Variants in CD1B observed in about 807,000 individuals in gnomAD.
CD1B encodes T-cell surface glycoprotein CD1b.
CD1B carries 43 observed loss-of-function variants against 39.8 expected under a neutral mutation model. The ratio of observed to expected loss-of-function variants is 1.08; its 90% CI spans 0.85 to 1.39. The LOEUF (loss-of-function observed/expected upper bound fraction) is 1.39. Ranked by LOEUF, CD1B falls within the 40% of genes most tolerant of loss-of-function variation. The pLI is 0.00. For synonymous variants in CD1B, 192 were observed against 152.5 expected, an observed-to-expected ratio of 1.26 and a Z score of -1.91; for missense variants, 495 against 403.8, an observed-to-expected ratio of 1.23 and a Z score of -1.94.
downstream of CD1B, among the ~76,000 whole-genome samples, chr1:158,324,008 G>A (rs914391400): frequency 2.0e-5 from 3 of 152,324 alleles, no homozygotes; most frequent in Admixed American, 6.5e-5. Context: ...AGGTATCCTT[G>A]TGTGAGCAGT....
At chr1:158,291,319 G>A in the CD1B span, 2 of 1,614,012 alleles carry the variant, frequency 1.2e-6, no homozygotes, top group African/African-American at 2.7e-5. Context: ...AGAGTTGTCA[G>A]ACCTAGAGTT....
the CD1B span, among the ~76,000 whole-genome samples, chr1:158,308,618 G>T: frequency 5.7e-3 from 872 of 152,232 alleles, 12 homozygotes; most frequent in African/African-American, 0.02. Context: ...GCATGGTACT[G>T]GTACCAAAAC....
At chr1:158,303,305 C>G in the CD1B span, among the ~76,000 whole-genome samples, 1 of 152,168 alleles carries the variant, frequency 6.6e-6, no homozygotes, top group Non-Finnish European at 1.5e-5. Flanking sequence ...GCATCTATGA[C>G]AAACCCACAG....
chr1:158,303,175 A>G, the CD1B span, among the ~76,000 whole-genome samples: 1 of 152,218 alleles, frequency 6.6e-6, no homozygotes, highest in Admixed American at 6.5e-5. Context: ...ACTAAAAACA[A>G]AAAACACATG....
At chr1:158,318,084 T>C in the CD1B span, among the ~76,000 whole-genome samples, 4 of 152,202 alleles carry the variant, frequency 2.6e-5, no homozygotes, top group East Asian at 3.8e-4. Flanking sequence ...TACTGCCAAC[T>C]ATGTGATCAA....
At chr1:158,319,903 C>T in the CD1B span, among the ~76,000 whole-genome samples, 1 of 151,664 alleles carries the variant, frequency 6.6e-6, no homozygotes, top group Non-Finnish European at 1.5e-5. Flanking sequence ...AGCTGCAGGT[C>T]TGTTGGAGTA....
the CD1B span, among the ~76,000 whole-genome samples, chr1:158,295,581 T>C: frequency 6.6e-6 from 1 of 152,118 alleles, no homozygotes; most frequent in Non-Finnish European, 1.5e-5. Flanking sequence ...TACCCGAGGA[T>C]TGGCATGCTC....
At chr1:158,298,615 A>T in the CD1B span, among the ~76,000 whole-genome samples, 3 of 152,112 alleles carry the variant, frequency 2.0e-5, no homozygotes, top group Admixed American at 6.5e-5. Flanking sequence ...CAGTATGGCC[A>T]TTTTCACGAT....
At chr1:158,327,012 G>C (rs1652377292), downstream of CD1B, among the ~76,000 whole-genome samples, 1 of 152,084 alleles carries the variant, frequency 6.6e-6, no homozygotes, top group Non-Finnish European at 1.5e-5. Flanking sequence ...GGTCAGCCTG[G>C]TCTCAAACTC....
the CD1B span, among the ~76,000 whole-genome samples, chr1:158,302,089 C>A: frequency 6.6e-6 from 1 of 152,050 alleles, no homozygotes; most frequent in East Asian, 1.9e-4. Flanking sequence ...TCATACCAAC[C>A]ACACTCTTGC....
the CD1B span, among the ~76,000 whole-genome samples, chr1:158,317,868 G>T: frequency 7.9e-5 from 12 of 152,236 alleles, no homozygotes; most frequent in South Asian, 2.3e-3. Flanking sequence ...TTGTGTGTTT[G>T]TTCTTGTTCA....
At chr1:158,316,439 C>A in the CD1B span, among the ~76,000 whole-genome samples, 3 of 151,738 alleles carry the variant, frequency 2.0e-5, no homozygotes, top group Non-Finnish European at 4.4e-5. Flanking sequence ...GGATTTCACT[C>A]ATGATTTGGC....
the CD1B span, chr1:158,291,357 A>C: frequency 1.2e-6 from 2 of 1,614,148 alleles, no homozygotes; most frequent in South Asian, 2.2e-5. Flanking sequence ...TCTTTGGATT[A>C]ACTCGGGAGA....
the CD1B span, among the ~76,000 whole-genome samples, chr1:158,312,920 A>G: frequency 6.6e-6 from 1 of 152,150 alleles, no homozygotes. Flanking sequence ...ATCTTTGCTT[A>G]GTTCCAGATT....
At chr1:158,299,718 G>A in the CD1B span, among the ~76,000 whole-genome samples, 20 of 152,004 alleles carry the variant, frequency 1.3e-4, no homozygotes, top group Non-Finnish European at 2.8e-4. Context: ...CTCTTGGGAG[G>A]GTGTGTGTGT....
At chr1:158,290,999 T>G in the CD1B span, 2 of 925,796 alleles carry the variant, frequency 2.2e-6, no homozygotes, top group South Asian at 1.8e-5. Context: ...GGGCTCTGTG[T>G]AAGGAAAATG....
At chr1:158,314,428 G>A in the CD1B span, among the ~76,000 whole-genome samples, 2 of 151,988 alleles carry the variant, frequency 1.3e-5, no homozygotes, top group South Asian at 4.1e-4. Context: ...TTATTCTTTT[G>A]TGTTGTTTTT....
the CD1B span, among the ~76,000 whole-genome samples, chr1:158,303,227 A>C: frequency 6.6e-6 from 1 of 152,214 alleles, no homozygotes; most frequent in Non-Finnish European, 1.5e-5. Flanking sequence ...ATAAAATTCC[A>C]CATCTCTTCA....
At chr1:158,306,207 T>G in the CD1B span, among the ~76,000 whole-genome samples, 2 of 152,090 alleles carry the variant, frequency 1.3e-5, no homozygotes, top group African/African-American at 4.8e-5. Flanking sequence ...GAGACACACA[T>G]AGGCTCAAAA....
Sources: gnomAD v4.1 joint callset for allele counts (sites outside exome capture counted in the v4.1 genomes callset) on GRCh38, gnomAD v4.1.1 for gene constraint, MANE v1.5 for transcripts, NCBI Gene and HGNC (gene_info 2026-07-23, HGNC 2026-07-21) for gene names.